WDR86: variants seen among roughly 807,000 people sequenced by gnomAD.
WDR86 encodes the protein WD repeat domain 86.
In WDR86, 30 loss-of-function variants were observed where a neutral mutation model predicts 36.5. That is an observed-to-expected ratio of 0.82 (90% CI 0.61 to 1.11). WDR86 has a LOEUF of 1.11. WDR86 is among the 50% of genes most tolerant of loss of function. WDR86 has a pLI of 0.00. For synonymous variants in WDR86, 255 were observed against 252.9 expected, an observed-to-expected ratio of 1.01 and a Z score of -0.08; for missense variants, 545 against 561.2, an observed-to-expected ratio of 0.97 and a Z score of 0.29.
downstream of WDR86, among the ~76,000 whole-genome samples, chr7:151,378,976 G>T (rs1291338123): frequency 1.3e-5 from 2 of 152,240 alleles, no homozygotes; most frequent in African/African-American, 4.8e-5. Context: ...TGCCCTCCAG[G>T]CATGGAGACT....
rs184953328 is a variant in WDR86, at chr7:151,382,314, G to T, written c.863-333C>A. On this transcript the variant is annotated intron_variant, in intron 4 of 5. Transcript: ENST00000334493. ...GGGATAATCGTCAGGTCCTCGAGTC[G>T]CTTCCCCCCTACCTTCCGCTGCGTC... Among the ~76,000 whole-genome samples, 304 of 152,266 alleles carry T rather than the reference G, an allele frequency of 2.0e-3. 1 individual carries two copies. Among genetic ancestry groups the T allele is most frequent in the African/African-American group, 6.2e-3 (257 of 41,562 alleles).
At chr7:151,393,401 C>T (rs1455677063) in intron 3 of WDR86, among the ~76,000 whole-genome samples, 1 of 152,148 alleles carries the variant, frequency 6.6e-6, no homozygotes, top group Non-Finnish European at 1.5e-5. Flanking sequence ...CCAGGAAGAA[C>T]AGCACTGAGA....
intron 2 of WDR86, among the ~76,000 whole-genome samples, chr7:151,399,649 C>T (rs1214127429): frequency 6.6e-6 from 1 of 152,250 alleles, no homozygotes; most frequent in Non-Finnish European, 1.5e-5. Context: ...ATATTTTCCA[C>T]AGCTACAAAG....
At chr7:151,387,453 C>T (rs1799071585) in intron 3 of WDR86, among the ~76,000 whole-genome samples, 1 of 152,176 alleles carries the variant, frequency 6.6e-6, no homozygotes, top group Non-Finnish European at 1.5e-5. Flanking sequence ...CTGTGGAGGC[C>T]TTGCTGTTCC....
At position 151,395,893 on chromosome 7, in the gene WDR86, C is replaced by A. The variant is rs368634471; in HGVS notation, c.609G>T (p.Thr203=). The stretch of plus-strand genomic sequence containing the variant: ...TGCCTGTGAAGGCCGTGTGGCCGGG[C>A]GTGTCTAGCACTAGGCACAGCACTG... ...TGAVLCLVLD[T]PGHTAFTGST... Residue 203 remains threonine, a synonymous_variant, in exon 3 of 6, where the codon ACG becomes ACT. Transcript: ENST00000334493. The A allele has an allele frequency of 1.9e-6, 3 of 1,602,184 alleles. No individual in the cohort carries two copies. The highest frequency in any genetic ancestry group is 1.3e-5 in the African/African-American group (1 of 74,732).
At chr7:151,372,015 C>T (rs536394847), downstream of WDR86, among the ~76,000 whole-genome samples, 13 of 152,332 alleles carry the variant, frequency 8.5e-5, no homozygotes, top group African/African-American at 3.1e-4. Flanking sequence ...GCCTTTAATA[C>T]ATAATTATTA....
In WDR86 at chr7:151,395,808, G is replaced by T. The variant is rs201973356; in HGVS notation, c.694C>A (p.Arg232=). 2.3e-5 allele frequency: 36 copies of T among 1,569,200 alleles called. No homozygotes were observed. The highest frequency in any genetic ancestry group is 2.9e-5 in the Non-Finnish European group (34 of 1,159,420). The change falls in exon 3 of 6, where the codon CGG becomes AGG. Residue 232 remains arginine, a synonymous_variant. Transcript: ENST00000334493. The part of the protein sequence containing the change: ...ILSGEQLRVF[R]EHRGSVICLE... The stretch of plus-strand genomic sequence containing the variant: ...CAGATGACGGAGCCCCGGTGCTCCC[G>T]GAACACCCGCAGCTGCTCCCCACTC...
downstream of WDR86, chr7:151,374,257 C>T (rs547264229): frequency 2.2e-5 from 34 of 1,551,534 alleles, no homozygotes; most frequent in Admixed American, 3.9e-5. Flanking sequence ...GCAGCTCCCT[C>T]GGGGCCTCTG....
chr7:151,375,076 C>T (rs969294728), downstream of WDR86, among the ~76,000 whole-genome samples: 3 of 151,790 alleles, frequency 2.0e-5, no homozygotes, highest in Non-Finnish European at 4.4e-5. Flanking sequence ...CAGGTGTCCT[C>T]GTTTGCCCTG....
At chr7:151,402,070 A>AAAAAAATATAT in intron 1 of WDR86, among the ~76,000 whole-genome samples, 38 of 50,528 alleles carry the variant, frequency 7.5e-4, no homozygotes, top group East Asian at 2.0e-3. Flanking sequence ...AAAAAAAAAA[A>AAAAAAATATAT]ATATATATAT....
chr7:151,380,708 C>A (rs13242467), downstream of WDR86, among the ~76,000 whole-genome samples: 1 of 151,970 alleles, frequency 6.6e-6, no homozygotes, highest in Non-Finnish European at 1.5e-5. Flanking sequence ...GTGGCTCTGG[C>A]ATGTGTGTTG....
At chr7:151,385,938 G>A (rs1798948889) in intron 3 of WDR86, among the ~76,000 whole-genome samples, 1 of 152,120 alleles carries the variant, frequency 6.6e-6, no homozygotes, top group African/African-American at 2.4e-5. Context: ...ACCCAGCCAA[G>A]AGCACTCCCA....
At chr7:151,400,923 C>T (rs531323845) in intron 1 of WDR86, among the ~76,000 whole-genome samples, 8 of 152,322 alleles carry the variant, frequency 5.3e-5, no homozygotes, top group South Asian at 4.1e-4. Context: ...TGATTTTTAC[C>T]GGTCCTCACA....
In WDR86 at chr7:151,393,329, T is replaced by C. The variant is rs139047210; in HGVS notation, c.726+2447A>G. Among the ~76,000 whole-genome samples the C allele has an allele frequency of 9.5e-4, 144 of 152,152 alleles. 1 individual carries two copies. The highest frequency in any genetic ancestry group is 3.3e-3 in the African/African-American group (135 of 41,496). On this transcript the variant is annotated intron_variant, in intron 3 of 5. Transcript: ENST00000334493. ...ACAGGTGTGTGGGGTGGGAGCTGTC[T>C]CTCCGCACTCTCTCCTTTAGCCTTC... is the stretch of plus-strand genomic sequence containing the variant.
intron 1 of WDR86, among the ~76,000 whole-genome samples, chr7:151,402,089 A>ATATATATATATATC (rs1213348920): frequency 2.4e-5 from 3 of 124,318 alleles, no homozygotes; most frequent in Non-Finnish European, 5.0e-5. Flanking sequence ...ATATATATAT[A>ATATATATATATATC]TATCTCCACA....
chr7:151,371,363 A>ACCCC (rs57489077), downstream of WDR86, among the ~76,000 whole-genome samples: 3 of 118,770 alleles, frequency 2.5e-5, no homozygotes, highest in East Asian at 2.5e-4. Context: ...TTTTACCCCC[A>ACCCC]CCCCCCACCC....
chr7:151,397,891 CTGA>C (rs1212399931), intron 2 of WDR86, among the ~76,000 whole-genome samples: 2 of 147,524 alleles, frequency 1.4e-5, no homozygotes, highest in South Asian at 2.1e-4. Flanking sequence ...GAGGGGGTGG[CTGA>C]GTCCTGCCTG....
chr7:151,372,425 C>T (rs1413781168), downstream of WDR86, among the ~76,000 whole-genome samples: 2 of 152,206 alleles, frequency 1.3e-5, no homozygotes, highest in African/African-American at 4.8e-5. Flanking sequence ...TAGGTAATGC[C>T]CAGGTCCGCT....
In WDR86 at chr7:151,381,491, G is replaced by A. The variant is rs1343113596; in HGVS notation, c.*91C>T. The A allele has an allele frequency of 6.8e-6, 10 of 1,461,362 alleles. No homozygotes were observed. Among genetic ancestry groups the A allele is most frequent in the South Asian group, 1.3e-5 (1 of 76,284 alleles). 90.5% of individuals were successfully genotyped at this position (1,461,362 alleles called of 1,614,324 possible). On this transcript the variant is annotated 3_prime_UTR_variant, in exon 6 of 6. Transcript: ENST00000334493. The surrounding 1 kb of genome is among the most constrained non-coding windows in gnomAD (Gnocchi z 4.8). ...GCTTCCTCGCTCCTCGCCCCTCGCC[G>A]GCCATCGGGCGCCACCACCGCGGGT... is the stretch of plus-strand genomic sequence containing the variant.
Sources: allele counts gnomAD v4.1 joint callset (sites outside exome capture counted in the v4.1 genomes callset), GRCh38; gene constraint gnomAD v4.1.1; non-coding constraint Gnocchi (gnomAD v3.1); transcripts MANE v1.5; gene names NCBI Gene and HGNC (gene_info 2026-07-23, HGNC 2026-07-21).